The following ENOX1 variants were observed in gnomAD, a reference collection of about 807,000 sequenced individuals.
ENOX1 encodes candidate growth-related and time keeping constitutive hydroquinone (NADH) oxidase.
Under a neutral mutation model 82.5 loss-of-function variants are expected in ENOX1, and 42 were observed. The ratio of observed to expected loss-of-function variants is 0.51; its 90% CI spans 0.40 to 0.66. The LOEUF (loss-of-function observed/expected upper bound fraction) is 0.66. Ranked by LOEUF, ENOX1 falls within the 30% of genes least tolerant of loss-of-function variation. The pLI, the probability that ENOX1 is intolerant of heterozygous loss-of-function variation, is 0.00. For synonymous variants in ENOX1, 271 were observed against 282.2 expected (o/e 0.96, Z 0.40); for missense variants, 608 against 811.6 (o/e 0.75, Z 3.05).
intron 1 of ENOX1, among the ~76,000 whole-genome samples, chr13:43,677,377 T>C (rs753739206): frequency 2.0e-5 from 3 of 152,116 alleles, no homozygotes; most frequent in Non-Finnish European, 4.4e-5. Context: ...AGATTCAAGA[T>C]GAGGGCTTTT....
At chr13:43,423,779 T>A (rs1263623997) in intron 3 of ENOX1, among the ~76,000 whole-genome samples, 3 of 152,194 alleles carry the variant, frequency 2.0e-5, no homozygotes. Flanking sequence ...ACAGATAAAT[T>A]TATGAAAGTA....
At chr13:43,402,280 G>A (rs931394062) in intron 5 of ENOX1, among the ~76,000 whole-genome samples, 2 of 152,064 alleles carry the variant, frequency 1.3e-5, no homozygotes, top group Admixed American at 6.6e-5. Flanking sequence ...TCAAATAAGG[G>A]GGCTGGAGGT....
At chr13:43,660,791 C>T (rs959786569) in intron 2 of ENOX1, among the ~76,000 whole-genome samples, 2 of 152,138 alleles carry the variant, frequency 1.3e-5, no homozygotes, top group African/African-American at 4.8e-5. Flanking sequence ...ATAAGTGTTA[C>T]AGACATTTCT....
intron 9 of ENOX1, among the ~76,000 whole-genome samples, chr13:43,343,970 A>G (rs959514016): frequency 6.6e-6 from 1 of 152,218 alleles, no homozygotes; most frequent in African/African-American, 2.4e-5. Flanking sequence ...TGGACATAAA[A>G]AAAAAATCAC....
chr13:43,309,025 CTT>C (rs138771171), intron 11 of ENOX1, among the ~76,000 whole-genome samples: 109,816 of 137,912 alleles, frequency 0.8, 44,162 homozygotes, highest in East Asian at 0.98. Flanking sequence ...CTCAAAGTTA[CTT>C]TTTTTTTTTT....
intron 2 of ENOX1, chr13:43,548,147 T>G (rs1353974731): frequency 6.6e-6 from 1 of 152,236 alleles, no homozygotes; most frequent in East Asian, 1.9e-4. Flanking sequence ...CCTGATTATT[T>G]GAACACATTA....
At chr13:43,542,511 C>A (rs939203723) in intron 2 of ENOX1, among the ~76,000 whole-genome samples, 1 of 150,360 alleles carries the variant, frequency 6.7e-6, no homozygotes, top group African/African-American at 2.5e-5. Context: ...TCTTGGCTCA[C>A]TGCAACCTCT....
At chr13:43,422,237 CAGGTTACAGTGATGTTCTCCTTTTGTG>C (rs1371337991) in intron 3 of ENOX1, among the ~76,000 whole-genome samples, 1 of 152,184 alleles carries the variant, frequency 6.6e-6, no homozygotes, top group Non-Finnish European at 1.5e-5. Flanking sequence ...GGATCACAAG[CAGGTTACAGTGATGTTCTCCTTTTGTG>C]AGACTTCTTG....
At chr13:43,333,574 T>G (rs1446743508) in intron 9 of ENOX1, among the ~76,000 whole-genome samples, 7 of 152,226 alleles carry the variant, frequency 4.6e-5, no homozygotes. Context: ...TGATCTCCTC[T>G]GAGTCTCTAC....
chr13:43,472,579 C>T (rs2058114658), intron 3 of ENOX1, among the ~76,000 whole-genome samples: 1 of 152,132 alleles, frequency 6.6e-6, no homozygotes, highest in African/African-American at 2.4e-5. Flanking sequence ...TAGAGTAGGG[C>T]CTTGGAGACG....
At chr13:43,569,775 C>T (rs1267167190) in intron 2 of ENOX1, among the ~76,000 whole-genome samples, 2 of 152,126 alleles carry the variant, frequency 1.3e-5, no homozygotes, top group Admixed American at 6.6e-5. Context: ...AACTACACCA[C>T]GATGTTTCTA....
At chr13:43,467,463 T>C (rs2057781208) in intron 3 of ENOX1, among the ~76,000 whole-genome samples, 1 of 152,048 alleles carries the variant, frequency 6.6e-6, no homozygotes, top group South Asian at 2.1e-4. Context: ...CATTTCTTCA[T>C]GTGCTTATTG....
At chr13:43,298,282 C>G in intron 12 of ENOX1, 64 bp downstream of exon 12, 2 of 1,490,416 alleles carry the variant, frequency 1.3e-6, no homozygotes, top group South Asian at 1.4e-5. Context: ...GGCTGCCTTT[C>G]CATTTTCATT....
intron 1 of ENOX1, among the ~76,000 whole-genome samples, chr13:43,696,604 A>G (rs2086652326): frequency 1.3e-5 from 2 of 152,182 alleles, no homozygotes; most frequent in Admixed American, 6.5e-5. Flanking sequence ...AAGGATATCC[A>G]TGCTAGTTAG....
intron 14 of ENOX1, among the ~76,000 whole-genome samples, chr13:43,247,117 A>C (rs2043121359): frequency 6.6e-6 from 1 of 152,092 alleles, no homozygotes; most frequent in Non-Finnish European, 1.5e-5. Context: ...ATGTCAGGAG[A>C]CCAGCCTGAC....
intron 5 of ENOX1, among the ~76,000 whole-genome samples, chr13:43,404,372 A>G (rs992198782): frequency 1.3e-5 from 2 of 152,178 alleles, no homozygotes; most frequent in Admixed American, 6.5e-5. Flanking sequence ...TGAAGAGGAT[A>G]AGCTCCTTTC....
At chr13:43,456,189 T>C (rs2057220225) in intron 3 of ENOX1, among the ~76,000 whole-genome samples, 1 of 152,082 alleles carries the variant, frequency 6.6e-6, no homozygotes, top group South Asian at 2.1e-4. Flanking sequence ...AGGCTTTCAT[T>C]TGCTTCCTGA....
At chr13:43,510,902 T>C (rs2077342348) in intron 2 of ENOX1, among the ~76,000 whole-genome samples, 1 of 152,138 alleles carries the variant, frequency 6.6e-6, no homozygotes, top group South Asian at 2.1e-4. Context: ...GTACGGCTGC[T>C]AGTGTTGTTG....
chr13:43,552,276 A>G (rs2079230910), intron 2 of ENOX1, among the ~76,000 whole-genome samples: 1 of 152,050 alleles, frequency 6.6e-6, no homozygotes, highest in African/African-American at 2.4e-5. Context: ...AGCCATAGAA[A>G]AGGGCTCACC....
Sources: allele counts gnomAD v4.1 joint callset (sites outside exome capture counted in the v4.1 genomes callset), GRCh38; gene constraint gnomAD v4.1.1; transcripts MANE v1.5; gene names NCBI Gene and HGNC (gene_info 2026-07-23, HGNC 2026-07-21).